ARHGAP10: variants seen among roughly 807,000 people sequenced by gnomAD.
The protein encoded by ARHGAP10 is rho GTPase-activating protein 10.
In ARHGAP10, 87 loss-of-function variants were observed where a neutral mutation model predicts 108.6. The ratio of observed to expected loss-of-function variants is 0.80; its 90% CI spans 0.67 to 0.96. The LOEUF (loss-of-function observed/expected upper bound fraction) is 0.96, where lower values mean the gene tolerates loss of function less well. Among genes scored for constraint, ARHGAP10 ranks in the 40% least tolerant of loss-of-function variants. The pLI, the probability that ARHGAP10 is intolerant of heterozygous loss-of-function variation, is 0.00. For synonymous variants in ARHGAP10, 347 were observed against 341.1 expected, an observed-to-expected ratio of 1.02 and a Z score of -0.19; for missense variants, 939 against 954.5, an observed-to-expected ratio of 0.98 and a Z score of 0.21.
At chr4:147,910,103 G>GCTCAAGTGATC (rs1172355846) in intron 12 of ARHGAP10, among the ~76,000 whole-genome samples, 1 of 152,054 alleles carries the variant, frequency 6.6e-6, no homozygotes, top group African/African-American at 2.4e-5. Context: ...AACCTCCTGG[G>GCTCAAGTGATC]CTCAAGTGAT....
At chr4:147,890,593 G>A (rs1371706498) in intron 10 of ARHGAP10, among the ~76,000 whole-genome samples, 2 of 152,316 alleles carry the variant, frequency 1.3e-5, no homozygotes, top group East Asian at 1.9e-4. Context: ...TTGGGAGGCC[G>A]AGGTGGGCGG....
In ARHGAP10 at chr4:148,058,726, C is replaced by T. The variant is rs7696624; in HGVS notation, c.2028-4422C>T. On this transcript the variant is annotated intron_variant, in intron 20 of 22. Transcript: ENST00000336498. Reference sequence around the variant, plus strand: ...AGCAGCATGGACTGCTGATCTGTTCCATTTTCTAAAAATACACTTTGTAAA... The same window carrying T: ...AGCAGCATGGACTGCTGATCTGTTCTATTTTCTAAAAATACACTTTGTAAA... Among the ~76,000 whole-genome samples the T allele has an allele frequency of 6.6e-4, 100 of 152,294 alleles. 1 individual carries two copies. The highest frequency in any genetic ancestry group is 2.1e-3 in the African/African-American group (87 of 41,552).
intron 10 of ARHGAP10, among the ~76,000 whole-genome samples, chr4:147,895,536 T>A (rs1016648565): frequency 2.0e-3 from 171 of 86,996 alleles, no homozygotes; most frequent in Admixed American, 3.8e-3. Flanking sequence ...AAAAAAAAAA[T>A]TAGCCAGGTA....
intron 3 of ARHGAP10, among the ~76,000 whole-genome samples, chr4:147,842,944 G>A (rs184273268): frequency 6.6e-6 from 1 of 152,282 alleles, no homozygotes; most frequent in East Asian, 1.9e-4. Context: ...AAGAAGTGTT[G>A]TCTCATTTGT....
intron 18 of ARHGAP10, among the ~76,000 whole-genome samples, chr4:147,972,205 G>A (rs1739438138): frequency 6.6e-6 from 1 of 152,076 alleles, no homozygotes; most frequent in Non-Finnish European, 1.5e-5. Flanking sequence ...ACATGAGATT[G>A]GCGTAAGAAA....
chr4:147,903,155 T>C (rs866353143), intron 10 of ARHGAP10, among the ~76,000 whole-genome samples: 1 of 152,168 alleles, frequency 6.6e-6, no homozygotes. Flanking sequence ...CCAGTCTGCC[T>C]CCACAGCTTT....
chr4:147,763,956 T>C (rs1729691823), intron 1 of ARHGAP10, among the ~76,000 whole-genome samples: 1 of 152,062 alleles, frequency 6.6e-6, no homozygotes. Flanking sequence ...GGTTTCACCA[T>C]GCTGGCCAGG....
chr4:147,922,112 TGTCAGAA>T (rs1479667965), intron 13 of ARHGAP10, among the ~76,000 whole-genome samples: 2 of 151,890 alleles, frequency 1.3e-5, no homozygotes, highest in Non-Finnish European at 2.9e-5. Flanking sequence ...GGATGTGGGG[TGTCAGAA>T]GGAAGGAATT....
At chr4:147,861,201 CA>C in intron 5 of ARHGAP10, 1 of 152,556 alleles carries the variant, frequency 6.6e-6, no homozygotes, top group East Asian at 1.9e-4. Flanking sequence ...CACAGCCGGG[CA>C]TGCCGACTGT....
chr4:148,017,361 AACATCAAATCATTAT>A (rs2149659228), intron 18 of ARHGAP10, among the ~76,000 whole-genome samples: 1 of 152,312 alleles, frequency 6.6e-6, no homozygotes, highest in African/African-American at 2.4e-5. Context: ...AAGTCAAAGC[AACATCAAATCATTAT>A]ACATCAAATA....
chr4:147,860,090 T>A (rs1579126282), intron 5 of ARHGAP10, among the ~76,000 whole-genome samples: 1 of 152,254 alleles, frequency 6.6e-6, no homozygotes, highest in Admixed American at 6.5e-5. Context: ...CAGAGAATGA[T>A]ACTGAACAAA....
rs1553955209 is a variant in ARHGAP10, at chr4:147,837,650, T to TTTTGTTTTTTTTTTTTTG, written c.313-9498_313-9497insGTTTTTTTTTTTTTGTTT. ...CTAGAATCTCTGGTCACTGTTTTTT[T>TTTTGTTTTTTTTTTTTTG]TTTTTTTTTTTTAAAGCAGTAGCTT... On this transcript the variant is annotated intron_variant, in intron 3 of 22. Coordinates refer to ENST00000336498, the MANE Select transcript of ARHGAP10 (RefSeq NM_024605.4). Among the ~76,000 whole-genome samples, 101 of 112,090 alleles carry TTTTGTTTTTTTTTTTTTG rather than the reference T, an allele frequency of 9.0e-4. 5 individuals are homozygous for TTTTGTTTTTTTTTTTTTG. In the East Asian group the frequency reaches 0.023, roughly 25 times the overall value. The allele number at this position is 112,090 out of a possible 152,430, so 73.5% of individuals were successfully genotyped here. A position where few individuals can be genotyped will look rare whatever the true frequency, so the allele number is the denominator to read the frequency against.
At chr4:147,857,810 G>A in intron 5 of ARHGAP10, 156 bp downstream of exon 5, 1 of 585,474 alleles carries the variant, frequency 1.7e-6, no homozygotes, top group Non-Finnish European at 2.5e-6. Context: ...AAAAGTCCTT[G>A]TGAAACAAGA....
chr4:148,069,460 C>A (rs1730056695), intron 22 of ARHGAP10, among the ~76,000 whole-genome samples: 1 of 152,122 alleles, frequency 6.6e-6, no homozygotes, highest in African/African-American at 2.4e-5. Flanking sequence ...TGGGGAGATG[C>A]AGGATTCCCG....
chr4:147,749,827 A>G (rs1729069471), intron 1 of ARHGAP10, among the ~76,000 whole-genome samples: 1 of 152,222 alleles, frequency 6.6e-6, no homozygotes, highest in Admixed American at 6.5e-5. Context: ...AAACTCTGAA[A>G]TCTTTTAGAA....
intron 1 of ARHGAP10, among the ~76,000 whole-genome samples, chr4:147,806,023 A>G (rs1296865105): frequency 1.3e-5 from 2 of 152,194 alleles, no homozygotes; most frequent in African/African-American, 4.8e-5. Flanking sequence ...GCCCTTTATT[A>G]TAATAAAATT....
At chr4:147,893,883 T>C (rs1177441519) in intron 10 of ARHGAP10, among the ~76,000 whole-genome samples, 2 of 152,156 alleles carry the variant, frequency 1.3e-5, no homozygotes, top group Non-Finnish European at 2.9e-5. Context: ...GTGTTTTTCA[T>C]AGAATGTAAG....
At chr4:147,801,180 G>A (rs192865845) in intron 1 of ARHGAP10, among the ~76,000 whole-genome samples, 41 of 152,262 alleles carry the variant, frequency 2.7e-4, no homozygotes, top group African/African-American at 7.2e-4. Context: ...ATTTTTCTAC[G>A]TTCAGTAAAA....
intron 6 of ARHGAP10, chr4:147,865,980 G>A (rs1734541016): frequency 6.6e-6 from 1 of 152,218 alleles, no homozygotes; most frequent in Non-Finnish European, 1.5e-5. Flanking sequence ...TAGAAGTAGA[G>A]AAAGGCTGAG....
Sources: allele counts gnomAD v4.1 joint callset (sites outside exome capture counted in the v4.1 genomes callset), GRCh38; gene constraint gnomAD v4.1.1; transcripts MANE v1.5; gene names NCBI Gene and HGNC (gene_info 2026-07-23, HGNC 2026-07-21).